ALCAM: variants seen among roughly 807,000 people sequenced by gnomAD.
The protein encoded by ALCAM is activated leukocyte cell adhesion molecule.
Under a neutral mutation model 70.9 loss-of-function variants are expected in ALCAM, and 30 were observed. The ratio of observed to expected loss-of-function variants is 0.42; its 90% CI spans 0.32 to 0.57. The LOEUF (loss-of-function observed/expected upper bound fraction) is 0.57, where lower values mean the gene tolerates loss of function less well. ALCAM is among the 20% of genes least tolerant of loss of function. The probability of loss-of-function intolerance (pLI) is 0.11; values close to 1 mark genes in which losing one functional copy is unlikely to be tolerated. For missense variants in ALCAM, 591 were observed against 695.1 expected (o/e 0.85, Z 1.68); for synonymous variants, 249 against 242.5 (o/e 1.03, Z -0.25).
At chr3:105,431,541 A>T (rs1340849380) in intron 1 of ALCAM, among the ~76,000 whole-genome samples, 1 of 152,096 alleles carries the variant, frequency 6.6e-6, no homozygotes, top group African/African-American at 2.4e-5. Context: ...CAGTGGCCAA[A>T]GGACAGCATA....
chr3:105,367,836 C>G (rs148808837), intron 1 of ALCAM, among the ~76,000 whole-genome samples: 3 of 152,150 alleles, frequency 2.0e-5, no homozygotes, highest in African/African-American at 7.2e-5. Context: ...GTATCCAAGT[C>G]CACGTCACTG....
At chr3:105,477,577 T>C (rs1356159600) in intron 1 of ALCAM, among the ~76,000 whole-genome samples, 4 of 152,138 alleles carry the variant, frequency 2.6e-5, no homozygotes, top group African/African-American at 7.2e-5. Flanking sequence ...AGTTTGGCTT[T>C]GTTCTACTTA....
chr3:105,565,260 C>G (rs1385393621), intron 14 of ALCAM, among the ~76,000 whole-genome samples: 1 of 152,180 alleles, frequency 6.6e-6, no homozygotes, highest in Non-Finnish European at 1.5e-5. Context: ...TCATAAGACT[C>G]CTGGTATACA....
At chr3:105,545,862 T>G (rs1322575207) in intron 9 of ALCAM, among the ~76,000 whole-genome samples, 2 of 151,480 alleles carry the variant, frequency 1.3e-5, no homozygotes, top group African/African-American at 4.8e-5. Flanking sequence ...TCTCTGCTGC[T>G]GAGACCACTC....
chr3:105,521,962 C>A (rs1224557987), intron 2 of ALCAM, among the ~76,000 whole-genome samples: 1 of 152,136 alleles, frequency 6.6e-6, no homozygotes, highest in Non-Finnish European at 1.5e-5. Flanking sequence ...CAACAAAATT[C>A]CAAGTGCCTG....
intron 1 of ALCAM, among the ~76,000 whole-genome samples, chr3:105,407,615 T>A (rs992192737): frequency 2.0e-5 from 3 of 152,172 alleles, no homozygotes; most frequent in Admixed American, 6.6e-5. Context: ...GCCAACATCA[T>A]ACTGAATGGG....
chr3:105,533,864 C>G (rs965867696), intron 5 of ALCAM, among the ~76,000 whole-genome samples, 174 bp downstream of exon 5: 1 of 152,240 alleles, frequency 6.6e-6, no homozygotes, highest in Admixed American at 6.5e-5. Context: ...GGGTGATTCA[C>G]AGGCATTAGG....
intron 1 of ALCAM, among the ~76,000 whole-genome samples, chr3:105,384,277 C>A (rs896432959): frequency 1.3e-5 from 2 of 151,494 alleles, no homozygotes; most frequent in African/African-American, 4.8e-5. Context: ...CTGATAAAAA[C>A]AGTGCAGAAT....
At chr3:105,390,636 C>A (rs935239098) in intron 1 of ALCAM, among the ~76,000 whole-genome samples, 14 of 152,016 alleles carry the variant, frequency 9.2e-5, no homozygotes, top group African/African-American at 3.4e-4. Context: ...GCCTTTGTTG[C>A]CACTGCTTTT....
intron 1 of ALCAM, among the ~76,000 whole-genome samples, chr3:105,469,458 A>G (rs547624569): frequency 6.6e-6 from 1 of 151,238 alleles, no homozygotes; most frequent in East Asian, 1.9e-4. Context: ...CACCATGAAC[A>G]TTATTTATAT....
chr3:105,394,035 A>T (rs1193558398), intron 1 of ALCAM, among the ~76,000 whole-genome samples: 2 of 151,900 alleles, frequency 1.3e-5, no homozygotes, highest in African/African-American at 4.8e-5. Flanking sequence ...AAATATTTCG[A>T]GTCCATTCTT....
intron 14 of ALCAM, among the ~76,000 whole-genome samples, chr3:105,555,597 T>A (rs1051569293): frequency 1.3e-5 from 2 of 152,030 alleles, no homozygotes; most frequent in Admixed American, 1.3e-4. Flanking sequence ...TTCTTTGCAT[T>A]GATAATTTTA....
intron 3 of ALCAM, among the ~76,000 whole-genome samples, chr3:105,527,718 C>G (rs182406321): frequency 6.6e-6 from 1 of 152,222 alleles, no homozygotes; most frequent in East Asian, 1.9e-4. Context: ...GACATAGAGT[C>G]TGCTCTGTGG....
At chr3:105,562,856 A>T (rs927641990) in intron 14 of ALCAM, among the ~76,000 whole-genome samples, 1 of 152,124 alleles carries the variant, frequency 6.6e-6, no homozygotes, top group African/African-American at 2.4e-5. Flanking sequence ...CCCAGGCTGG[A>T]GCGCAATGTC....
intron 1 of ALCAM, among the ~76,000 whole-genome samples, chr3:105,518,214 T>C (rs539121636): frequency 6.0e-4 from 91 of 152,230 alleles, no homozygotes; most frequent in Non-Finnish European, 1.0e-3. Flanking sequence ...ACACTGTTAG[T>C]TGCCAAAGGA....
intron 1 of ALCAM, among the ~76,000 whole-genome samples, chr3:105,408,560 C>T (rs983172816): frequency 1.3e-5 from 2 of 152,060 alleles, no homozygotes; most frequent in African/African-American, 4.8e-5. Flanking sequence ...CAAGATGGAT[C>T]AAAGACTTAA....
intron 11 of ALCAM, 67 bp downstream of exon 11, chr3:105,547,590 A>G: frequency 1.3e-6 from 2 of 1,562,928 alleles, no homozygotes; most frequent in Non-Finnish European, 1.7e-6. Flanking sequence ...TCACGAACCT[A>G]CCCTATAGGT....
rs376087268 is a variant in ALCAM at position 105,541,802 on chromosome 3, A to G, written c.991+37A>G. On this transcript the variant is annotated intron_variant, in intron 8 of 15. Transcript: ENST00000306107. ...ACTTCTTCATCAGCAGCTTCACCTC[A>G]AAGGCTTCTAATAGCTTAATGTAGC... 3.7e-5 allele frequency: 59 copies of G among 1,608,278 alleles called. 1 individual carries two copies. In the African/African-American group the frequency reaches 6.3e-4, roughly 17 times the overall value.
Position 105,524,328 on chromosome 3 carries a change from T to A in ALCAM, c.214T>A (p.Ser72Thr). 6.2e-7 allele frequency: 1 copy of A among 1,614,168 alleles called. No individual in the cohort carries two copies. The change falls in exon 3 of 16, where the codon TCC (serine) becomes ACC (threonine). Residue 72 changes from serine to threonine, a missense_variant. Transcript: ENST00000306107. Reference protein sequence around the residue: ...DGSPVFIAFRSSTKKSVQYDD... With the variant: ...DGSPVFIAFRTSTKKSVQYDD... ...CTCCCCAGTATTTATTGCCTTCAGATCCTCTACAAAGAAAAGTGTGCAGTA... is the reference window on the plus strand; with the variant it reads ...CTCCCCAGTATTTATTGCCTTCAGAACCTCTACAAAGAAAAGTGTGCAGTA...
Sources: allele counts gnomAD v4.1 joint callset (sites outside exome capture counted in the v4.1 genomes callset), GRCh38; gene constraint gnomAD v4.1.1; transcripts MANE v1.5; gene names NCBI Gene and HGNC (gene_info 2026-07-23, HGNC 2026-07-21).